Variants in KNDC1 observed in about 807,000 individuals in gnomAD.
KNDC1 encodes the protein kinase non-catalytic C-lobe domain containing 1, also known as kinase non-catalytic C-lobe domain-containing protein 1.
In KNDC1, 106 loss-of-function variants were observed where a neutral mutation model predicts 172.8. The observed-to-expected ratio is 0.61, with a 90% confidence interval of 0.52 to 0.72. The LOEUF is 0.72. Ranked by LOEUF, KNDC1 falls within the 30% of genes least tolerant of loss-of-function variation. The probability of loss-of-function intolerance (pLI) is 0.00; values close to 1 mark genes in which losing one functional copy is unlikely to be tolerated. For missense variants in KNDC1, 2,325 were observed against 2,394.5 expected, an observed-to-expected ratio of 0.97 and a Z score of 0.61; for synonymous variants, 1,083 against 1,062.2, an observed-to-expected ratio of 1.02 and a Z score of -0.38.
At chr10:133,162,507 G>A (rs1016672961) in intron 1 of KNDC1, among the ~76,000 whole-genome samples, 1 of 152,232 alleles carries the variant, frequency 6.6e-6, no homozygotes, top group Admixed American at 6.5e-5. Context: ...CCATGATGGG[G>A]TCAAGAAATA....
chr10:133,172,512 T>C (rs961426468), intron 3 of KNDC1, among the ~76,000 whole-genome samples: 2 of 152,228 alleles, frequency 1.3e-5, no homozygotes, highest in African/African-American at 2.4e-5. Flanking sequence ...ACTGGCGATT[T>C]CCCATTTTGT....
Position 133,207,138 on chromosome 10 carries a change from T to C in KNDC1, c.3581T>C (p.Val1194Ala). 1 of 1,584,482 alleles carries C rather than the reference T, an allele frequency of 6.3e-7. No homozygotes were observed. The highest frequency in any genetic ancestry group is 1.1e-5 in the South Asian group (1 of 88,406). Residue 1194 changes from valine (V) to alanine (A), a missense_variant and splice_region_variant, in exon 20 of 30, where the codon GTC becomes GCC. By Grantham distance (64) the Val-to-Ala change is moderately conservative (BLOSUM62 0). Transcript: ENST00000304613. ...FLSLVKKYLQ[V>A]MYAERWGLEP... ...AGCGCCCGTGTCCCGCTCCGGCAGGTCATGTACGCGGAACGCTGGGGCCTG... is the reference window on the plus strand; with the variant it reads ...AGCGCCCGTGTCCCGCTCCGGCAGGCCATGTACGCGGAACGCTGGGGCCTG...
rs1487452345 is a variant in KNDC1, at chr10:133,163,096, C to T, written c.102+2527C>T. Reference sequence around the variant, plus strand: ...GTCACTGTGGATGGGGGTATGGGATCTGAGGCAGAACAGTGCAATCCAGGC... The same window carrying T: ...GTCACTGTGGATGGGGGTATGGGATTTGAGGCAGAACAGTGCAATCCAGGC... On this transcript the variant is annotated intron_variant, in intron 1 of 29. Coordinates refer to ENST00000304613, the MANE Select transcript of KNDC1 (RefSeq NM_152643.8). The surrounding 1 kb of genome is among the most constrained non-coding windows in gnomAD (Gnocchi z 4.4). 2.0e-5 allele frequency among the ~76,000 whole-genome samples: 3 copies of T among 152,160 alleles called. No individual in the cohort carries two copies. The highest frequency in any genetic ancestry group is 4.4e-5 in the Non-Finnish European group (3 of 68,044).
At chr10:133,199,343 G>A (rs1195811160) in intron 14 of KNDC1, 77 bp downstream of exon 14, 10 of 1,556,934 alleles carry the variant, frequency 6.4e-6, no homozygotes, top group South Asian at 6.2e-5. Context: ...GCCGCCCCAC[G>A]CCCTTCCCCC....
At chr10:133,210,429 A>C (rs1287223124) in intron 20 of KNDC1, among the ~76,000 whole-genome samples, 182 bp from the exon 21 acceptor site, 1 of 151,738 alleles carries the variant, frequency 6.6e-6, no homozygotes, top group Non-Finnish European at 1.5e-5. Context: ...TGGGAATTTC[A>C]AATGAAATTT....
rs750043806 is a variant in KNDC1, at chr10:133,220,087, G to C, written c.4993G>C (p.Gly1665Arg). 1.0e-5 allele frequency: 16 copies of C among 1,566,568 alleles called. No homozygotes were observed. Among genetic ancestry groups the C allele is most frequent in the Non-Finnish European group, 1.3e-5 (15 of 1,155,746 alleles). Residue 1665 changes from glycine (G) to arginine (R), a missense_variant, in exon 29 of 30, where the codon GGG (glycine) becomes CGG (arginine). Gly to Arg is a moderately radical substitution (Grantham distance 125, BLOSUM62 -2). Coordinates refer to ENST00000304613, the MANE Select transcript of KNDC1 (RefSeq NM_152643.8). ...LETGGFTMTN[G>R]AHRWSKLRNI... ...GACAGGCGGCTTCACCATGACCAAC[G>C]GGGCCCACAGGTGGAGCAAGCTCAG...
At chr10:133,170,093 C>A (rs186057375) in intron 3 of KNDC1, among the ~76,000 whole-genome samples, 1 of 152,358 alleles carries the variant, frequency 6.6e-6, no homozygotes, top group East Asian at 1.9e-4. Context: ...TAATGTGGCA[C>A]CTGCTGTGTG....
intron 26 of KNDC1, among the ~76,000 whole-genome samples, chr10:133,216,051 A>G (rs1845464064): frequency 1.3e-5 from 2 of 152,278 alleles, no homozygotes; most frequent in South Asian, 2.1e-4. Context: ...TTGTGTCTCA[A>G]TGGCTGTGAG....
chr10:133,215,590 G>A (rs1338582498), intron 26 of KNDC1, among the ~76,000 whole-genome samples: 3 of 152,262 alleles, frequency 2.0e-5, no homozygotes, highest in Non-Finnish European at 2.9e-5. Flanking sequence ...GAGCCTTCAC[G>A]CACGGCCCGT....
chr10:133,193,484 C>T (rs1487699844), intron 9 of KNDC1, among the ~76,000 whole-genome samples: 1 of 152,124 alleles, frequency 6.6e-6, no homozygotes, highest in African/African-American at 2.4e-5. Context: ...CAGATACAGC[C>T]ATTGCACTCC....
At chr10:133,166,644 G>A (rs978609180) in intron 1 of KNDC1, among the ~76,000 whole-genome samples, 4 of 152,108 alleles carry the variant, frequency 2.6e-5, no homozygotes, top group Admixed American at 6.5e-5. Context: ...CTGTGTGAGC[G>A]TGCCCTGTGT....
chr10:133,197,462 G>A (rs951313098), intron 11 of KNDC1, among the ~76,000 whole-genome samples: 5 of 152,324 alleles, frequency 3.3e-5, no homozygotes, highest in African/African-American at 1.2e-4. Context: ...GGAACCCACG[G>A]AAACCTGGTT....
At chr10:133,196,251 C>T (rs919018026) in intron 10 of KNDC1, among the ~76,000 whole-genome samples, 1 of 152,078 alleles carries the variant, frequency 6.6e-6, no homozygotes, top group Non-Finnish European at 1.5e-5. Context: ...CCACCAGCCC[C>T]GCCCCTCCCT....
intron 26 of KNDC1, 67 bp downstream of exon 26, chr10:133,214,189 C>G (rs1423169810): frequency 1.9e-6 from 3 of 1,564,688 alleles, no homozygotes; most frequent in Non-Finnish European, 2.6e-6. Context: ...GTGGCAGCGC[C>G]TCCTATAAGG....
chr10:133,207,854 G>A (rs970497842), intron 20 of KNDC1, among the ~76,000 whole-genome samples: 11 of 152,290 alleles, frequency 7.2e-5, no homozygotes, highest in Middle Eastern at 3.4e-3. Flanking sequence ...AGGAGCCGCC[G>A]GGCCCACTCA....
intron 29 of KNDC1, among the ~76,000 whole-genome samples, chr10:133,221,074 T>G (rs1380170473): frequency 6.6e-6 from 1 of 152,112 alleles, no homozygotes; most frequent in Non-Finnish European, 1.5e-5. Context: ...CCCCGTGGTC[T>G]CTAGGGACCC....
chr10:133,221,535 G>A (rs571434454), intron 29 of KNDC1, among the ~76,000 whole-genome samples: 7 of 152,000 alleles, frequency 4.6e-5, no homozygotes, highest in South Asian at 2.1e-4. Flanking sequence ...TCATCTCATC[G>A]CCTGCCGTTG....
chr10:133,185,419 G>GTGCAGTGTA (rs1853867213), intron 5 of KNDC1, among the ~76,000 whole-genome samples: 2 of 73,896 alleles, frequency 2.7e-5, no homozygotes, highest in Non-Finnish European at 6.0e-5. Flanking sequence ...TGTGCAGTGT[G>GTGCAGTGTA]GAGTAGGCAG....
rs1845551445 is a variant in KNDC1, at chr10:133,220,077, C to T, written c.4983C>T (p.Thr1661=). Residue 1661 remains threonine (T), a synonymous_variant, in exon 29 of 30, where the codon ACC becomes ACT. Coordinates refer to ENST00000304613, the MANE Select transcript of KNDC1 (RefSeq NM_152643.8). ...HIQQLETGGF[T]MTNGAHRWSK... ...AGCAGCTGGAGACAGGCGGCTTCAC[C>T]ATGACCAACGGGGCCCACAGGTGGA... 6.4e-7 allele frequency: 1 copy of T among 1,566,856 alleles called. No individual in the cohort carries two copies. Among genetic ancestry groups the T allele is most frequent in the Non-Finnish European group, 8.7e-7 (1 of 1,155,828 alleles).
Sources: allele counts gnomAD v4.1 joint callset (sites outside exome capture counted in the v4.1 genomes callset), GRCh38; gene constraint gnomAD v4.1.1; non-coding constraint Gnocchi (gnomAD v3.1); transcripts MANE v1.5; gene names NCBI Gene and HGNC (gene_info 2026-07-23, HGNC 2026-07-21).